Variants in TG observed in about 807,000 individuals in gnomAD.
TG encodes thyroid hormones.
In TG, 270 loss-of-function variants were observed where a neutral mutation model predicts 324.7. The observed-to-expected ratio is 0.83, with a 90% CI of 0.75 to 0.92. TG has a LOEUF of 0.92. Among genes scored for constraint, TG ranks in the 40% least tolerant of loss-of-function variants. TG has a pLI of 0.00. For missense variants in TG, 3,591 were observed against 3,456.4 expected, an observed-to-expected ratio of 1.04 and a Z score of -0.98; for synonymous variants, 1,401 against 1,327.0, an observed-to-expected ratio of 1.06 and a Z score of -1.21.
At chr8:132,992,906 C>T (rs1832513961) in intron 35 of TG, among the ~76,000 whole-genome samples, 1 of 152,204 alleles carries the variant, frequency 6.6e-6, no homozygotes, top group South Asian at 2.1e-4. Context: ...GTGTTGCTTG[C>T]CCTCTCTGGA....
intron 41 of TG, among the ~76,000 whole-genome samples, chr8:133,051,784 G>T (rs866316715): frequency 1.4e-4 from 22 of 152,158 alleles, no homozygotes; most frequent in African/African-American, 5.1e-4. Context: ...ATTTTTGGGG[G>T]AAATAACAAG....
chr8:133,076,418 T>A (rs1326490076), intron 41 of TG, among the ~76,000 whole-genome samples: 1 of 152,176 alleles, frequency 6.6e-6, no homozygotes, highest in African/African-American at 2.4e-5. Context: ...CACTCTGCAC[T>A]AGAGAGATGG....
rs928335622 is a variant in TG at position 132,995,020 on chromosome 8, G to A, written c.6262+11608G>A. 5 of 966,158 alleles carry A rather than the reference G, an allele frequency of 5.2e-6. No individual in the cohort carries two copies. In the African/African-American group the frequency reaches 5.8e-5, roughly 11 times the overall value. 59.8% of individuals were successfully genotyped at this position (966,158 alleles called of 1,614,324 possible). ...TCAGCATTGGCTCAGTTATGCTGTAGCGTGTGATTTTTTCCCTTCTGCTTT... is the reference window on the plus strand; with the variant it reads ...TCAGCATTGGCTCAGTTATGCTGTAACGTGTGATTTTTTCCCTTCTGCTTT... On this transcript the variant is annotated intron_variant, in intron 35 of 47. Transcript: ENST00000220616.
chr8:132,994,942 TGA>T, intron 35 of TG: 1 of 1,088,438 alleles, frequency 9.2e-7, no homozygotes, highest in Non-Finnish European at 1.1e-6. Context: ...TCTCTTGTTG[TGA>T]GAGGGGTTGG....
intron 43 of TG, among the ~76,000 whole-genome samples, chr8:133,096,886 G>A (rs1006847194): frequency 9.8e-5 from 15 of 152,334 alleles, no homozygotes; most frequent in South Asian, 2.1e-4. Flanking sequence ...GAGGCACAGT[G>A]AAGTGGGAGT....
At chr8:133,043,001 G>T (rs370874142) in intron 41 of TG, among the ~76,000 whole-genome samples, 86 of 152,120 alleles carry the variant, frequency 5.7e-4, no homozygotes, top group African/African-American at 2.0e-3. Context: ...GCCCATCTGT[G>T]TCTTTAGAGT....
In TG at chr8:133,071,119, T is replaced by A. The variant is rs2741208; in HGVS notation, c.7240-23925T>A. On this transcript the variant is annotated intron_variant, in intron 41 of 47. Transcript: ENST00000220616. ...CTGTGTCCACCTCAGATTGGTGCCG[T>A]CCCTTGATGAGGCTTCGTGTACAAC... 9.8e-3 allele frequency among the ~76,000 whole-genome samples: 1,492 copies of A among 152,108 alleles called. 23 individuals carry two copies. Among genetic ancestry groups the A allele is most frequent in the African/African-American group, 0.035 (1,433 of 41,492 alleles).
intron 41 of TG, among the ~76,000 whole-genome samples, chr8:133,058,672 C>T (rs1334347777): frequency 6.6e-6 from 1 of 152,144 alleles, no homozygotes; most frequent in East Asian, 1.9e-4. Flanking sequence ...AGAAAGAGCC[C>T]GGCATTCTCC....
intron 41 of TG, among the ~76,000 whole-genome samples, chr8:133,093,367 A>G (rs1847888281): frequency 7.5e-6 from 1 of 133,834 alleles, no homozygotes. Context: ...TCTCTCTTTT[A>G]AAAATGCTGA....
At chr8:133,102,202 T>C (rs1292524343) in intron 43 of TG, among the ~76,000 whole-genome samples, 3 of 152,224 alleles carry the variant, frequency 2.0e-5, no homozygotes, top group South Asian at 2.1e-4. Context: ...GTCCAATCTC[T>C]GAACCACCTC....
rs914876849 is a variant in TG, at chr8:132,893,625, TC to T, written c.2762-64del. 1.9e-6 allele frequency: 3 copies of T among 1,610,074 alleles called. No homozygotes were observed. In the African/African-American group the frequency reaches 4.0e-5, roughly 22 times the overall value. ...GTGTGTGCGTGAGGGCACACATGCT[TC>T]ATGGGAGTCAGAGGGAAGTCCACGT... On this transcript the variant is annotated intron_variant, in intron 10 of 47. Transcript: ENST00000220616.
intron 2 of TG, among the ~76,000 whole-genome samples, chr8:132,868,596 A>C (rs1839190748): frequency 2.0e-5 from 3 of 152,182 alleles, no homozygotes; most frequent in Admixed American, 2.0e-4. Flanking sequence ...TCCCTCCTCC[A>C]AGTATCCTCT....
In TG at chr8:132,967,947, C is replaced by G. The variant is rs982243242; in HGVS notation, c.5840C>G (p.Pro1947Arg). 1.2e-6 allele frequency: 2 copies of G among 1,613,646 alleles called. No individual in the cohort carries two copies. Among genetic ancestry groups the G allele is most frequent in the Non-Finnish European group, 1.7e-6 (2 of 1,179,884 alleles). Residue 1947 changes from proline to arginine, a missense_variant, in exon 31 of 48, where the codon CCA becomes CGA. Pro to Arg is a moderately radical substitution (Grantham distance 103). Transcript: ENST00000220616. ...TGCAGACTGATCCTGCCTCAGATGCCAAAGGCCCTGTTCCGGAAGAAAGGT... is the reference window on the plus strand; with the variant it reads ...TGCAGACTGATCCTGCCTCAGATGCGAAAGGCCCTGTTCCGGAAGAAAGGT... ...QGCRLILPQM[P>R]KALFRKKVIL...
intron 35 of TG, among the ~76,000 whole-genome samples, chr8:132,993,720 G>A (rs984149889): frequency 2.0e-5 from 3 of 152,186 alleles, no homozygotes; most frequent in Admixed American, 1.3e-4. Context: ...AGTCTTAGAA[G>A]ATGGGGAAAA....
intron 35 of TG, chr8:132,988,672 T>G: frequency 1.0e-6 from 1 of 980,830 alleles, no homozygotes; most frequent in South Asian, 4.7e-5. Flanking sequence ...AATATATATT[T>G]TCTTTGTCAG....
At chr8:133,040,830 G>A (rs529197352) in intron 41 of TG, among the ~76,000 whole-genome samples, 151 of 152,258 alleles carry the variant, frequency 9.9e-4, no homozygotes, top group African/African-American at 2.9e-3. Context: ...AGAGGGCAAA[G>A]AGAATGCAGA....
At chr8:132,990,530 C>T (rs1314012633) in intron 35 of TG, among the ~76,000 whole-genome samples, 1 of 149,600 alleles carries the variant, frequency 6.7e-6, no homozygotes, top group South Asian at 2.1e-4. Context: ...TCATTTTTCC[C>T]GTCCCCCTGG....
At chr8:133,058,363 TATGTCTGTTCTAG>T (rs1841847762) in intron 41 of TG, among the ~76,000 whole-genome samples, 1 of 152,234 alleles carries the variant, frequency 6.6e-6, no homozygotes, top group Admixed American at 6.5e-5. Flanking sequence ...CCCCTCTCTC[TATGTCTGTTCTAG>T]AGGTGACCTC....
chr8:133,010,582 C>T (rs925470734), intron 35 of TG, among the ~76,000 whole-genome samples: 1 of 152,166 alleles, frequency 6.6e-6, no homozygotes, highest in Non-Finnish European at 1.5e-5. Context: ...AATCAGCTCT[C>T]CCGAATGATC....
Sources: allele counts gnomAD v4.1 joint callset (sites outside exome capture counted in the v4.1 genomes callset), GRCh38; gene constraint gnomAD v4.1.1; transcripts MANE v1.5; gene names NCBI Gene and HGNC (gene_info 2026-07-23, HGNC 2026-07-21).